FOXP2: variants seen among roughly 807,000 people sequenced by gnomAD.
The protein encoded by FOXP2 is forkhead box protein P2.
A neutral mutation model predicts 115.8 loss-of-function variants in FOXP2; 12 were observed. The ratio of observed to expected loss-of-function variants is 0.10; its 90% CI spans 0.07 to 0.17. FOXP2 has a LOEUF of 0.17. Among genes scored for constraint, FOXP2 ranks in the 10% least tolerant of loss-of-function variants. The probability of loss-of-function intolerance (pLI) is 1.00; values close to 1 mark genes in which losing one functional copy is unlikely to be tolerated. For synonymous variants in FOXP2, 328 were observed against 297.7 expected (o/e 1.10, Z -1.05); for missense variants, 629 against 843.5 (o/e 0.75, Z 3.15).
At chr7:114,541,918 CTT>C (rs1012011495) in intron 3 of FOXP2, among the ~76,000 whole-genome samples, 2 of 151,698 alleles carry the variant, frequency 1.3e-5, no homozygotes, top group African/African-American at 2.4e-5. Flanking sequence ...GGATTTAAGA[CTT>C]AGGCTGTGAA....
intron 1 of FOXP2, among the ~76,000 whole-genome samples, chr7:114,223,394 G>T (rs1193511484): frequency 6.7e-6 from 1 of 149,360 alleles, no homozygotes; most frequent in Non-Finnish European, 1.5e-5. Flanking sequence ...TTACTTGTTG[G>T]ATATTCATGT....
intron 2 of FOXP2, among the ~76,000 whole-genome samples, chr7:114,504,091 AAT>A (rs1192776917): frequency 6.6e-6 from 1 of 151,582 alleles, no homozygotes; most frequent in African/African-American, 2.4e-5. Context: ...AGTTTTTGCA[AAT>A]ATATGTTTTG....
At chr7:114,348,141 C>G (rs1263953123) in intron 2 of FOXP2, among the ~76,000 whole-genome samples, 2 of 151,950 alleles carry the variant, frequency 1.3e-5, no homozygotes, top group Non-Finnish European at 2.9e-5. Context: ...AGTTTTATAG[C>G]AAGAATTGTT....
intron 1 of FOXP2, among the ~76,000 whole-genome samples, chr7:114,212,028 G>A (rs865891292): frequency 2.0e-5 from 3 of 150,916 alleles, no homozygotes; most frequent in Admixed American, 1.3e-4. Context: ...AGCTGAGATC[G>A]TGTCATCTCC....
chr7:114,556,430 C>T (rs1800455674), intron 3 of FOXP2, among the ~76,000 whole-genome samples: 1 of 152,164 alleles, frequency 6.6e-6, no homozygotes, highest in African/African-American at 2.4e-5. Flanking sequence ...ATCCTCCAGT[C>T]CCTGCATACA....
chr7:114,376,474 G>T (rs755077641), intron 2 of FOXP2, among the ~76,000 whole-genome samples: 1 of 152,188 alleles, frequency 6.6e-6, no homozygotes, highest in Non-Finnish European at 1.5e-5. Flanking sequence ...ATAATTGTTG[G>T]CTTCACCATT....
chr7:114,273,883 G>A (rs1166011440), intron 1 of FOXP2, among the ~76,000 whole-genome samples: 1 of 151,550 alleles, frequency 6.6e-6, no homozygotes, highest in Admixed American at 6.6e-5. Context: ...TTATTTTTTG[G>A]TCCAGTTTAA....
intron 1 of FOXP2, among the ~76,000 whole-genome samples, chr7:114,283,228 C>T (rs1411949915): frequency 6.6e-6 from 1 of 152,058 alleles, no homozygotes; most frequent in Non-Finnish European, 1.5e-5. Flanking sequence ...TTAAATAATC[C>T]TTAGTTCTCA....
chr7:114,491,313 A>G (rs1425710569), intron 2 of FOXP2, among the ~76,000 whole-genome samples: 4 of 152,182 alleles, frequency 2.6e-5, no homozygotes, highest in African/African-American at 9.7e-5. Flanking sequence ...TCTTTGGAGA[A>G]GTGTCTGTTC....
chr7:114,458,768 C>T (rs372827948), intron 2 of FOXP2, among the ~76,000 whole-genome samples: 148 of 152,144 alleles, frequency 9.7e-4, no homozygotes, highest in African/African-American at 3.4e-3. Context: ...TTCCAAATTG[C>T]TTGATGCTTC....
At chr7:114,494,341 TTC>T (rs1255078279) in intron 2 of FOXP2, among the ~76,000 whole-genome samples, 2 of 152,154 alleles carry the variant, frequency 1.3e-5, no homozygotes, top group South Asian at 2.1e-4. Context: ...CAGTATTTCT[TTC>T]TCTGTTTCTT....
chr7:114,192,581 T>C (rs930387826), intron 1 of FOXP2, among the ~76,000 whole-genome samples: 6 of 152,252 alleles, frequency 3.9e-5, no homozygotes, highest in Non-Finnish European at 5.9e-5. Context: ...AGTGGCTGTA[T>C]GTACATTAAC....
At chr7:114,468,793 T>G (rs2129228959) in intron 2 of FOXP2, among the ~76,000 whole-genome samples, 1 of 152,272 alleles carries the variant, frequency 6.6e-6, no homozygotes, top group East Asian at 1.9e-4. Context: ...TACTGTGAGC[T>G]TTTTAAGACT....
chr7:114,328,056 G>A (rs1797602507), intron 2 of FOXP2, among the ~76,000 whole-genome samples: 1 of 151,200 alleles, frequency 6.6e-6, no homozygotes, highest in South Asian at 2.1e-4. Flanking sequence ...TAGTAGCTGA[G>A]CCTAAAGGTG....
intron 2 of FOXP2, among the ~76,000 whole-genome samples, chr7:114,490,549 C>T (rs1397749529): frequency 6.6e-6 from 1 of 151,888 alleles, no homozygotes; most frequent in African/African-American, 2.4e-5. Context: ...TACATGTGCA[C>T]AATGTGCAGG....
intron 2 of FOXP2, among the ~76,000 whole-genome samples, chr7:114,462,277 GAAAAAAAAAAAAAA>G (rs766244858): frequency 4.8e-5 from 1 of 20,798 alleles, no homozygotes; most frequent in South Asian, 2.8e-3. Flanking sequence ...GAGACTCCGT[GAAAAAAAAAAAAAA>G]AAAAAAAAAA....
intron 1 of FOXP2, among the ~76,000 whole-genome samples, chr7:114,285,834 A>G (rs990136026): frequency 1.3e-5 from 2 of 152,018 alleles, no homozygotes; most frequent in African/African-American, 4.8e-5. Context: ...CTGAATATAT[A>G]AGTATATGTT....
chr7:114,121,987 A>T (rs1481044979), intron 1 of FOXP2, among the ~76,000 whole-genome samples: 1 of 152,128 alleles, frequency 6.6e-6, no homozygotes, highest in African/African-American at 2.4e-5. Context: ...TGTAGAGGTA[A>T]TTCCTGTTCT....
In FOXP2 at chr7:114,642,601, G is replaced by A. The variant is rs760226272; in HGVS notation, c.967G>A (p.Val323Ile). Residue 323 changes from valine to isoleucine, a missense_variant, in exon 7 of 17, where the codon GTT becomes ATT. By Grantham distance (29) the Val-to-Ile change is conservative. Around this residue, in one of 9 missense-constraint regions of FOXP2, gnomAD observed 92 missense variants for 80.1 expected, o/e 1.15. Coordinates refer to ENST00000350908, the MANE Select transcript of FOXP2 (RefSeq NM_014491.4). ...TTCCATAGTGAATGGACAGTCTTCA[G>A]TTCTAAGTGCAAGACGAGACAGGTA... ...HHSIVNGQSS[V>I]LSARRDSSSH... 4 of 1,613,412 alleles carry A rather than the reference G, an allele frequency of 2.5e-6. No individual in the cohort carries two copies. Among genetic ancestry groups the A allele is most frequent in the Non-Finnish European group, 2.5e-6 (3 of 1,179,808 alleles).
Sources: allele counts gnomAD v4.1 joint callset (sites outside exome capture counted in the v4.1 genomes callset), GRCh38; gene constraint gnomAD v4.1.1; regional missense constraint gnomAD v4.1.1; transcripts MANE v1.5; gene names NCBI Gene and HGNC (gene_info 2026-07-23, HGNC 2026-07-21).